DLEU7: variants seen among roughly 807,000 people sequenced by gnomAD.
The protein encoded by DLEU7 is deleted in lymphocytic leukemia 7, also known as leukemia-associated protein 7.
DLEU7 carries 17 observed loss-of-function variants against 16.0 expected under a neutral mutation model. The observed-to-expected ratio is 1.06, with a 90% CI of 0.73 to 1.59. DLEU7 has a LOEUF of 1.59. Ranked by LOEUF, DLEU7 falls within the 40% of genes most tolerant of loss-of-function variation. DLEU7 has a pLI of 0.00. For synonymous variants in DLEU7, 113 were observed against 139.8 expected, an observed-to-expected ratio of 0.81 and a Z score of 1.35; for missense variants, 308 against 314.9, an observed-to-expected ratio of 0.98 and a Z score of 0.17.
At chr13:50,760,164 G>A (rs937756008) in intron 1 of DLEU7, among the ~76,000 whole-genome samples, 2 of 152,130 alleles carry the variant, frequency 1.3e-5, no homozygotes, top group African/African-American at 2.4e-5. Context: ...AGGCTTTTGT[G>A]TTCATCTTAT....
At position 50,778,867 on chromosome 13, in the gene DLEU7, T is replaced by C. The variant is rs185040979; in HGVS notation, c.459+64321A>G. On this transcript the variant is annotated intron_variant, in intron 1 of 1. Transcript: ENST00000400393. ...AAAAAATTGCTTTTGATTTATGTGT[T>C]TAATAAGTTAGCTATGTTAAGCTTC... 5.3e-5 allele frequency among the ~76,000 whole-genome samples: 8 copies of C among 152,378 alleles called. No homozygotes were observed. In the East Asian group the frequency reaches 1.3e-3, roughly 26 times the overall value.
intron 1 of DLEU7, among the ~76,000 whole-genome samples, chr13:50,777,352 C>G (rs1875532824): frequency 6.6e-6 from 1 of 152,200 alleles, no homozygotes; most frequent in African/African-American, 2.4e-5. Context: ...CAGCTGCCAG[C>G]ATGGCCCGGA....
intron 1 of DLEU7, among the ~76,000 whole-genome samples, chr13:50,716,859 C>T (rs897175466): frequency 6.6e-6 from 1 of 152,144 alleles, no homozygotes; most frequent in Admixed American, 6.5e-5. Context: ...ACATCAAAAA[C>T]TGTTGACAAT....
intron 1 of DLEU7, among the ~76,000 whole-genome samples, chr13:50,744,594 T>C (rs1341259447): frequency 2.6e-5 from 4 of 152,178 alleles, no homozygotes; most frequent in Non-Finnish European, 5.9e-5. Context: ...ACTGTGAAAA[T>C]AAAAAGCCAG....
intron 1 of DLEU7, among the ~76,000 whole-genome samples, chr13:50,755,394 CT>C (rs534969807): frequency 9.3e-4 from 142 of 152,172 alleles, no homozygotes; most frequent in Admixed American, 1.5e-3. Flanking sequence ...TTTTCTTATT[CT>C]TTTTTCTTTG....
intron 1 of DLEU7, among the ~76,000 whole-genome samples, chr13:50,804,998 T>G (rs1876350817): frequency 6.6e-6 from 1 of 152,134 alleles, no homozygotes. Context: ...CAAGCAATTA[T>G]TATTTGTCTT....
upstream of DLEU7, chr13:50,843,745 G>A (rs762395111): frequency 7.0e-7 from 1 of 1,428,486 alleles, no homozygotes; most frequent in Admixed American, 3.0e-5. The surrounding 1 kb of genome is among the most constrained non-coding windows in gnomAD (Gnocchi z 5.7). Flanking sequence ...TCTAACCCGC[G>A]GCTCCTCGGC....
chr13:50,768,079 C>G (rs1027954226), intron 1 of DLEU7, among the ~76,000 whole-genome samples: 2 of 152,150 alleles, frequency 1.3e-5, no homozygotes, highest in Admixed American at 6.5e-5. Context: ...ATCCTTTCTT[C>G]CTGTAGCTCT....
intron 1 of DLEU7, among the ~76,000 whole-genome samples, chr13:50,759,908 A>G (rs2137743784): frequency 6.6e-6 from 1 of 152,178 alleles, no homozygotes; most frequent in East Asian, 1.9e-4. Context: ...TCTGCCAGCC[A>G]CCTTCCATCC....
At chr13:50,826,298 C>T (rs1877084882) in intron 1 of DLEU7, among the ~76,000 whole-genome samples, 2 of 152,022 alleles carry the variant, frequency 1.3e-5, no homozygotes, top group Non-Finnish European at 1.5e-5. Flanking sequence ...GGTTAGGGAC[C>T]TGTGCCTTAA....
intron 1 of DLEU7, among the ~76,000 whole-genome samples, chr13:50,803,733 T>C (rs1320054075): frequency 6.6e-6 from 1 of 152,122 alleles, no homozygotes; most frequent in Non-Finnish European, 1.5e-5. Context: ...AACAGACTTC[T>C]TTTTACTTTT....
chr13:50,802,745 A>G (rs966139755), intron 1 of DLEU7, among the ~76,000 whole-genome samples: 8 of 152,174 alleles, frequency 5.3e-5, no homozygotes, highest in Non-Finnish European at 7.4e-5. Context: ...AGTTCTCCTC[A>G]CAGGAGGCGA....
rs567057396 is a variant in DLEU7, at chr13:50,740,908, C to T, written c.460-27668G>A. Among the ~76,000 whole-genome samples, 85 of 152,190 alleles carry T rather than the reference C, an allele frequency of 5.6e-4. 1 individual carries two copies. In the South Asian group the frequency reaches 9.8e-3, roughly 17 times the overall value. Reference sequence around the variant, plus strand: ...TTCTTTTCCATTATCCTCCTTACATCCTCAATTCTTCCTGAACTCATAGAA... The same window carrying T: ...TTCTTTTCCATTATCCTCCTTACATTCTCAATTCTTCCTGAACTCATAGAA... On this transcript the variant is annotated intron_variant, in intron 1 of 1. Coordinates refer to the DLEU7 transcript ENST00000400393.
rs190224212 is a variant in DLEU7, at chr13:50,770,053, C to T, written c.460-56813G>A. Among the ~76,000 whole-genome samples, 171 of 152,194 alleles carry T rather than the reference C, an allele frequency of 1.1e-3. 1 individual carries two copies. The highest frequency in any genetic ancestry group is 3.8e-3 in the African/African-American group (159 of 41,516). On this transcript the variant is annotated intron_variant, in intron 1 of 1. Transcript: ENST00000400393. ...AAGCAATTGTGAATGGGAGTTCACT[C>T]ATGATTTGGCTCTCTGCTTGTCTGT...
intron 1 of DLEU7, among the ~76,000 whole-genome samples, chr13:50,837,305 T>C (rs1280531005): frequency 2.6e-5 from 4 of 152,146 alleles, no homozygotes; most frequent in Non-Finnish European, 5.9e-5. Context: ...AACCCAAAAA[T>C]TGTAAAATAA....
At chr13:50,738,817 T>A (rs894238458) in intron 1 of DLEU7, among the ~76,000 whole-genome samples, 2 of 152,104 alleles carry the variant, frequency 1.3e-5, no homozygotes, top group Non-Finnish European at 2.9e-5. Context: ...AGGTGTACTG[T>A]GTTGGCTACT....
chr13:50,810,570 T>C (rs1346073838), intron 1 of DLEU7, among the ~76,000 whole-genome samples: 1 of 152,132 alleles, frequency 6.6e-6, no homozygotes, highest in Non-Finnish European at 1.5e-5. Flanking sequence ...TATCAGTAAG[T>C]GGCCCTGGTC....
chr13:50,812,848 A>T (rs1876609570), intron 1 of DLEU7: 1 of 150,968 alleles, frequency 6.6e-6, no homozygotes, highest in Non-Finnish European at 1.5e-5. Context: ...GGAAATTCTT[A>T]ACATGAAAGT....
rs996544107 is a variant in DLEU7 at position 50,726,946 on chromosome 13, G to A, written c.460-13706C>T. 6.6e-6 allele frequency among the ~76,000 whole-genome samples: 1 copy of A among 152,104 alleles called. No individual in the cohort carries two copies. The highest frequency in any genetic ancestry group is 1.5e-5 in the Non-Finnish European group (1 of 68,024). On this transcript the variant is annotated intron_variant, in intron 1 of 1. Transcript: ENST00000400393. This position sits in a 1 kb window ranked among gnomAD's most constrained non-coding sequence, Gnocchi z 4.0. ...AGGCAAGAGGAAAGTGGGGGCACGG[G>A]GAAGGTGAAATTATTTATATCCTCA... is the stretch of plus-strand genomic sequence containing the variant.
Sources: gnomAD v4.1 joint callset for allele counts (sites outside exome capture counted in the v4.1 genomes callset) on GRCh38, gnomAD v4.1.1 for gene constraint, Gnocchi (gnomAD v3.1) non-coding constraint, MANE v1.5 for transcripts, NCBI Gene and HGNC (gene_info 2026-07-23, HGNC 2026-07-21) for gene names.